MAN1B1: variants seen among roughly 807,000 people sequenced by gnomAD.
MAN1B1 encodes endoplasmic reticulum mannosyl-oligosaccharide 1,2-alpha-mannosidase.
A neutral mutation model predicts 75.5 loss-of-function variants in MAN1B1; 66 were observed. The observed-to-expected ratio is 0.87, with a 90% CI of 0.72 to 1.07. MAN1B1 has a LOEUF of 1.07. Among genes scored for constraint, MAN1B1 ranks in the 50% least tolerant of loss-of-function variants. MAN1B1 has a pLI of 0.00. For synonymous variants in MAN1B1, 453 were observed against 382.8 expected (o/e 1.18, Z -2.14); for missense variants, 973 against 912.5 (o/e 1.07, Z -0.85).
At chr9:137,087,354 A>T in intron 1 of MAN1B1, 136 bp downstream of exon 1, 1 of 1,061,666 alleles carries the variant, frequency 9.4e-7, no homozygotes, top group Non-Finnish European at 1.4e-6. Context: ...CCCCGCAAAA[A>T]GGGGCAAATG....
intron 3 of MAN1B1, among the ~76,000 whole-genome samples, chr9:137,091,521 A>ATTTTTTTTT (rs964752016): frequency 4.4e-5 from 4 of 89,924 alleles, no homozygotes; most frequent in Admixed American, 1.4e-4. Context: ...TTTGTTTTAT[A>ATTTTTTTTT]TTTTTTTTTT....
intron 10 of MAN1B1, chr9:137,107,035 C>T: frequency 1.3e-6 from 1 of 748,794 alleles, no homozygotes; most frequent in Non-Finnish European, 2.1e-6. Flanking sequence ...CTCCCCGTGC[C>T]CGGTGTGTAG....
intron 8 of MAN1B1, chr9:137,104,075 C>T (rs1205854637): frequency 4.4e-6 from 2 of 456,746 alleles, no homozygotes; most frequent in South Asian, 1.5e-5. Context: ...CTATCACTTC[C>T]ATCTCCAGAG....
At chr9:137,106,591 T>C in intron 9 of MAN1B1, 98 bp from the exon 10 acceptor site, 1 of 1,582,176 alleles carries the variant, frequency 6.3e-7, no homozygotes, top group South Asian at 1.1e-5. Flanking sequence ...GGGCCAGGCC[T>C]GCTGTACTTG....
rs375902720 is a variant in MAN1B1, at chr9:137,099,688, C to T, written c.731-8C>T. 1.3e-4 allele frequency: 212 copies of T among 1,613,988 alleles called. 1 individual carries two copies. The highest frequency in any genetic ancestry group is 4.0e-4 in the South Asian group (36 of 91,086). ...CCGCCATGGCCTGTGCTCTCTCCCCCCTACTAGTGCATCTGAACTATCGCC... is the reference window on the plus strand; with the variant it reads ...CCGCCATGGCCTGTGCTCTCTCCCCTCTACTAGTGCATCTGAACTATCGCC... On this transcript the variant is annotated splice_polypyrimidine_tract_variant and splice_region_variant and intron_variant, in intron 5 of 12. Coordinates refer to ENST00000371589, the MANE Select transcript of MAN1B1 (RefSeq NM_016219.5).
At chr9:137,100,981 A>G (rs1349506413) in intron 6 of MAN1B1, 24 bp from the exon 7 acceptor site, 3 of 1,614,008 alleles carry the variant, frequency 1.9e-6, no homozygotes, top group Non-Finnish European at 8.5e-7. Flanking sequence ...TTGTCTCTGC[A>G]TCCTTTACTG....
intron 12 of MAN1B1, 41 bp from the exon 13 acceptor site, chr9:137,108,347 G>C: frequency 6.7e-7 from 1 of 1,501,328 alleles, no homozygotes; most frequent in Non-Finnish European, 9.3e-7. Context: ...GGGGGTGCAG[G>C]GTGCCCCCCG....
chr9:137,098,544 A>G (rs1042472775), intron 5 of MAN1B1, among the ~76,000 whole-genome samples: 3 of 151,256 alleles, frequency 2.0e-5, no homozygotes, highest in Non-Finnish European at 4.4e-5. Flanking sequence ...GCCCAGAGCC[A>G]GGACTCCCAG....
rs964752016 is a variant in MAN1B1 at position 137,091,521 on chromosome 9, ATTTTTTTTT to A, written c.465+2531_465+2539del. Among the ~76,000 whole-genome samples the A allele has an allele frequency of 3.3e-5, 3 of 89,926 alleles. No individual in the cohort carries two copies. In the South Asian group the frequency reaches 1.4e-3, roughly 42 times the overall value. The allele number at this position is 89,926 out of a possible 152,430, so 59.0% of individuals were successfully genotyped here. ...TTGAGTTCAAATTTTTTTGTTTTATATTTTTTTTTTTTTTTTTTTTTTTGAGACAGAGTC... is the reference window on the plus strand; with the variant it reads ...TTGAGTTCAAATTTTTTTGTTTTATATTTTTTTTTTTTTTGAGACAGAGTC... On this transcript the variant is annotated intron_variant, in intron 3 of 12. Transcript: ENST00000371589.
chr9:137,087,093 G>T lies in MAN1B1; in HGVS notation c.94G>T (p.Ala32Ser). ...AGTGGGCGGGGCCCCTTGGGCCGTCGCCACCACTGTAGTCATGTACCCACC... is the reference window on the plus strand; with the variant it reads ...AGTGGGCGGGGCCCCTTGGGCCGTCTCCACCACTGTAGTCATGTACCCACC... ...PPVGGAPWAV[A>S]TTVVMYPPPP... Residue 32 changes from alanine to serine, a missense_variant, in exon 1 of 13, where the codon GCC becomes TCC. Physicochemically the swap from Ala to Ser is moderately conservative, Grantham distance 99. Coordinates refer to ENST00000371589, the MANE Select transcript of MAN1B1 (RefSeq NM_016219.5). The T allele has an allele frequency of 6.3e-7, 1 of 1,598,810 alleles. No homozygotes were observed. Among genetic ancestry groups the T allele is most frequent in the East Asian group, 2.3e-5 (1 of 44,336 alleles).
chr9:137,108,596 G>A lies in MAN1B1; in HGVS notation c.*5G>A, dbSNP rs1370731534. 4 of 1,613,570 alleles carry A rather than the reference G, an allele frequency of 2.5e-6. No homozygotes were observed. Among genetic ancestry groups the A allele is most frequent in the Admixed American group, 3.3e-5 (2 of 60,028 alleles). On this transcript the variant is annotated 3_prime_UTR_variant, in exon 13 of 13. Transcript: ENST00000371589. ...CCTATCTGGACCCCTGCCTAGGGTG[G>A]ATGGCTGCTGGTGTGGGGACTTCGG...
At chr9:137,105,736 G>C in intron 8 of MAN1B1, 1 of 398,758 alleles carries the variant, frequency 2.5e-6, no homozygotes, top group South Asian at 1.9e-5. Context: ...GCAACACTGG[G>C]CTCAGAAGGC....
intron 4 of MAN1B1, 31 bp downstream of exon 4, chr9:137,096,422 C>A: frequency 6.2e-7 from 1 of 1,609,868 alleles, no homozygotes; most frequent in Non-Finnish European, 8.5e-7. Flanking sequence ...TGCACGCCGC[C>A]GCTCAGGGCT....
intron 3 of MAN1B1, among the ~76,000 whole-genome samples, chr9:137,093,540 C>T: frequency 6.6e-6 from 1 of 152,014 alleles, no homozygotes; most frequent in South Asian, 2.1e-4. Flanking sequence ...TTTTATTCTT[C>T]TGCTGTGAAG....
At chr9:137,107,699 C>G (rs1462714656) in intron 12 of MAN1B1, 37 bp downstream of exon 12, 15 of 1,610,524 alleles carry the variant, frequency 9.3e-6, no homozygotes, top group Middle Eastern at 1.6e-4. Flanking sequence ...GTCACGGCCA[C>G]CGGGCCACAG....
intron 2 of MAN1B1, chr9:137,088,444 G>T (rs1830437355): frequency 6.5e-7 from 1 of 1,541,786 alleles, no homozygotes. Flanking sequence ...AAGTCAGCTG[G>T]TGGGCTTGAA....
chr9:137,097,722 T>C (rs1830691417), intron 4 of MAN1B1, 106 bp from the exon 5 acceptor site: 1 of 874,606 alleles, frequency 1.1e-6, no homozygotes, highest in South Asian at 1.4e-5. Context: ...ATGGGGCCGC[T>C]TTGGGTGCAG....
At chr9:137,102,946 GGT>G (rs2099979460) in intron 8 of MAN1B1, 1 of 431,076 alleles carries the variant, frequency 2.3e-6, no homozygotes, top group Non-Finnish European at 4.6e-6. Flanking sequence ...GCAGGTCGGT[GGT>G]GTTACACACA....
intron 4 of MAN1B1, 138 bp downstream of exon 4, chr9:137,096,529 A>C (rs1377478033): frequency 2.5e-6 from 3 of 1,221,688 alleles, no homozygotes; most frequent in Non-Finnish European, 3.5e-6. Flanking sequence ...GTCCTCATTA[A>C]CCTTAGATTA....
Sources: allele counts gnomAD v4.1 joint callset (sites outside exome capture counted in the v4.1 genomes callset), GRCh38; gene constraint gnomAD v4.1.1; transcripts MANE v1.5; gene names NCBI Gene and HGNC (gene_info 2026-07-23, HGNC 2026-07-21).